The following EHD3 variants were observed in gnomAD, a reference collection of about 807,000 sequenced individuals.
EHD3 encodes EH domain-containing protein 3.
EHD3 carries 17 observed loss-of-function variants against 43.0 expected under a neutral mutation model. That is an observed-to-expected ratio of 0.40 (90% CI 0.27 to 0.59). The LOEUF is 0.59. EHD3 is among the 20% of genes least tolerant of loss of function. The pLI is 0.49. For synonymous variants in EHD3, 313 were observed against 289.5 expected (o/e 1.08, Z -0.82); for missense variants, 594 against 705.6 (o/e 0.84, Z 1.79).
At position 31,262,325 on chromosome 2, in the gene EHD3, T is replaced by C. The variant is rs143860857; in HGVS notation, c.1080+612T>C. On this transcript the variant is annotated intron_variant, in intron 5 of 5. Transcript: ENST00000322054. ...GCATTTTCTGAGTGTAGCATTCACA[T>C]AGGCCACAAGAAGAAGAGCCAGGAG... Among the ~76,000 whole-genome samples, 6 of 152,292 alleles carry C rather than the reference T, an allele frequency of 3.9e-5. No homozygotes were observed. The East Asian group carries it at 1.2e-3, about 29-fold the overall frequency.
intron 1 of EHD3, among the ~76,000 whole-genome samples, chr2:31,242,349 G>A (rs544875098): frequency 3.9e-5 from 6 of 152,358 alleles, no homozygotes; most frequent in Non-Finnish European, 8.8e-5. Context: ...GTTGGGTACA[G>A]AAGGAAGGCA....
chr2:31,240,265 C>T (rs918461703), intron 1 of EHD3, among the ~76,000 whole-genome samples: 44 of 152,182 alleles, frequency 2.9e-4, no homozygotes, highest in Admixed American at 9.2e-4. Flanking sequence ...TGTGCATCCC[C>T]GTCTCTGCTG....
chr2:31,246,623 C>T (rs1683529047), intron 2 of EHD3, among the ~76,000 whole-genome samples: 1 of 152,124 alleles, frequency 6.6e-6, no homozygotes, highest in African/African-American at 2.4e-5. Context: ...TGATTGCCAT[C>T]ATATGCTGGG....
chr2:31,242,626 A>G (rs567866276), intron 1 of EHD3, among the ~76,000 whole-genome samples: 1 of 152,348 alleles, frequency 6.6e-6, no homozygotes, highest in Non-Finnish European at 1.5e-5. Context: ...CAAGAAAGAT[A>G]GAATGAAAGG....
In EHD3 at chr2:31,235,709, T is replaced by C. The variant is rs71444489; in HGVS notation, c.227+861T>C. ...CTCTGAGAATGAGTCATCCATTCCC[T>C]TCAATTACAGAATCCTTGGGCTGGA... On this transcript the variant is annotated intron_variant, in intron 1 of 5. Coordinates refer to ENST00000322054, the MANE Select transcript of EHD3 (RefSeq NM_014600.3). Among the ~76,000 whole-genome samples, 1,467 of 152,340 alleles carry C rather than the reference T, an allele frequency of 9.6e-3. 8 individuals carry two copies. The highest frequency in any genetic ancestry group is 0.016 in the Non-Finnish European group (1,076 of 68,028).
At chr2:31,263,504 C>T (rs746885051) in intron 5 of EHD3, among the ~76,000 whole-genome samples, 15 of 152,118 alleles carry the variant, frequency 9.9e-5, no homozygotes, top group Non-Finnish European at 1.6e-4. Context: ...TACTGGGACC[C>T]CTGCATGGGA....
rs112709660 is a variant in EHD3 at position 31,263,089 on chromosome 2, C to T, written c.1080+1376C>T. On this transcript the variant is annotated intron_variant, in intron 5 of 5. Coordinates refer to ENST00000322054, the MANE Select transcript of EHD3 (RefSeq NM_014600.3). The stretch of plus-strand genomic sequence containing the variant: ...CAATAGGCATTTTTAGTTTCCTATC[C>T]GGCAGAAGAAAAAGAAAAAAATATA... Among the ~76,000 whole-genome samples, 1,211 of 152,098 alleles carry T rather than the reference C, an allele frequency of 8.0e-3. 20 individuals carry two copies. The highest frequency in any genetic ancestry group is 0.026 in the African/African-American group (1,082 of 41,492).
rs753014738 is a variant in EHD3, at chr2:31,260,462, A to G, written c.503-48A>G. 6.5e-7 allele frequency: 1 copy of G among 1,546,198 alleles called. No individual in the cohort carries two copies. The highest frequency in any genetic ancestry group is 1.2e-5 in the South Asian group (1 of 80,116). On this transcript the variant is annotated intron_variant, in intron 3 of 5. Coordinates refer to ENST00000322054, the MANE Select transcript of EHD3 (RefSeq NM_014600.3). This position sits in a 1 kb window ranked among gnomAD's most constrained non-coding sequence, Gnocchi z 4.6. ...CACCCGACTGCTTCTCCAAACCCCTACCCTATACCCCAAAGGCCCCAGCCC... is the reference window on the plus strand; with the variant it reads ...CACCCGACTGCTTCTCCAAACCCCTGCCCTATACCCCAAAGGCCCCAGCCC...
intron 3 of EHD3, among the ~76,000 whole-genome samples, chr2:31,258,330 AC>A (rs1468201562): frequency 6.6e-6 from 1 of 151,670 alleles, no homozygotes; most frequent in African/African-American, 2.4e-5. Flanking sequence ...CCATCCCCCT[AC>A]CCCCTGTGGC....
intron 3 of EHD3, among the ~76,000 whole-genome samples, chr2:31,259,622 A>G (rs1227476644): frequency 6.6e-6 from 1 of 152,164 alleles, no homozygotes; most frequent in Non-Finnish European, 1.5e-5. Context: ...AAGAGTTGGG[A>G]ATTTTGTGCT....
intron 3 of EHD3, among the ~76,000 whole-genome samples, chr2:31,254,175 C>T (rs1198355373): frequency 2.0e-5 from 3 of 152,162 alleles, no homozygotes; most frequent in Non-Finnish European, 4.4e-5. Context: ...TCCTGGTCCA[C>T]GGCTTCTCAG....
intron 4 of EHD3, 117 bp from the exon 5 acceptor site, chr2:31,261,432 T>C: frequency 8.2e-7 from 1 of 1,224,720 alleles, no homozygotes; most frequent in Non-Finnish European, 1.1e-6. Context: ...ATTTCAAAAG[T>C]AGGAGCAGGA....
chr2:31,240,971 T>C (rs1439217808), intron 1 of EHD3, among the ~76,000 whole-genome samples: 2 of 152,120 alleles, frequency 1.3e-5, no homozygotes, highest in Non-Finnish European at 2.9e-5. Context: ...CCAATCAGGG[T>C]GGAATCTTTC....
chr2:31,244,247 C>T, intron 1 of EHD3, 27 bp from the exon 2 acceptor site: 1 of 1,607,360 alleles, frequency 6.2e-7, no homozygotes, highest in South Asian at 1.1e-5. Flanking sequence ...AGAACGCCTG[C>T]ATTAGGACTG....
rs15056 is a variant in EHD3 at position 31,268,324 on chromosome 2, A to G, written c.*1620A>G. On this transcript the variant is annotated 3_prime_UTR_variant, in exon 6 of 6. Transcript: ENST00000322054. ...TATATAGAGAATATTCTATGCATCT[A>G]TGACGTGCTTACTACTGCAGTGCAT... The G allele has an allele frequency of 0.057, 8,668 of 152,808 alleles. 334 individuals carry two copies. The highest frequency in any genetic ancestry group is 0.08 in the Non-Finnish European group (5,448 of 68,044). The allele number at this position is 152,808 out of a possible 1,614,324, so 9.5% of individuals were successfully genotyped here. A position where few individuals can be genotyped will look rare whatever the true frequency, so the allele number is the denominator to read the frequency against.
chr2:31,235,991 G>C (rs1350491724), intron 1 of EHD3, among the ~76,000 whole-genome samples: 1 of 152,210 alleles, frequency 6.6e-6, no homozygotes, highest in Non-Finnish European at 1.5e-5. Flanking sequence ...TCCTGCAGAG[G>C]GTTTGGAAAG....
At chr2:31,241,260 TCTA>T (rs1252584513) in intron 1 of EHD3, among the ~76,000 whole-genome samples, 2 of 152,198 alleles carry the variant, frequency 1.3e-5, no homozygotes, top group South Asian at 2.1e-4. Context: ...CATTCATCGT[TCTA>T]AAAGGGAGCT....
Position 31,244,696 on chromosome 2 carries a change from G to A in EHD3, c.404+246G>A, listed in dbSNP as rs529165386. On this transcript the variant is annotated intron_variant, in intron 2 of 5. Coordinates refer to ENST00000322054, the MANE Select transcript of EHD3 (RefSeq NM_014600.3). ...AGGGAAGGATACAACAATGACTCAG[G>A]TCACATTCCCCTACCCTGCACCTAC... is the stretch of plus-strand genomic sequence containing the variant. Among the ~76,000 whole-genome samples, 293 of 152,238 alleles carry A rather than the reference G, an allele frequency of 1.9e-3. 3 individuals carry two copies. The highest frequency in any genetic ancestry group is 2.2e-3 in the Non-Finnish European group (150 of 68,000).
At position 31,260,439 on chromosome 2, in the gene EHD3, C is replaced by A. The variant is rs539561035; in HGVS notation, c.503-71C>A. 6.2e-6 allele frequency: 9 copies of A among 1,457,778 alleles called. No homozygotes were observed. Among genetic ancestry groups the A allele is most frequent in the Admixed American group, 4.4e-5 (2 of 45,274 alleles). 90.3% of individuals were successfully genotyped at this position (1,457,778 alleles called of 1,614,324 possible). A position where few individuals can be genotyped will look rare whatever the true frequency, so the allele number is the denominator to read the frequency against. On this transcript the variant is annotated intron_variant, in intron 3 of 5. Coordinates refer to ENST00000322054, the MANE Select transcript of EHD3 (RefSeq NM_014600.3). This position sits in a 1 kb window ranked among gnomAD's most constrained non-coding sequence, Gnocchi z 4.6. ...CCAAGACTGTGTTATTTCTACCACACCCGACTGCTTCTCCAAACCCCTACC... is the reference window on the plus strand; with the variant it reads ...CCAAGACTGTGTTATTTCTACCACAACCGACTGCTTCTCCAAACCCCTACC...
Sources: gnomAD v4.1 joint callset for allele counts (sites outside exome capture counted in the v4.1 genomes callset) on GRCh38, gnomAD v4.1.1 for gene constraint, Gnocchi (gnomAD v3.1) non-coding constraint, MANE v1.5 for transcripts, NCBI Gene and HGNC (gene_info 2026-07-23, HGNC 2026-07-21) for gene names.